Variants in GDE1 observed in about 807,000 individuals in gnomAD.
The protein encoded by GDE1 is RGS16-interacting membrane protein.
A neutral mutation model predicts 32.2 loss-of-function variants in GDE1; 24 were observed. The ratio of observed to expected loss-of-function variants is 0.75; its 90% CI spans 0.54 to 1.05. The LOEUF (loss-of-function observed/expected upper bound fraction) is 1.05. Ranked by LOEUF, GDE1 falls within the 50% of genes least tolerant of loss-of-function variation. The pLI is 0.00. For missense variants in GDE1, 380 were observed against 415.0 expected, an observed-to-expected ratio of 0.92 and a Z score of 0.73; for synonymous variants, 159 against 158.6, an observed-to-expected ratio of 1.00 and a Z score of -0.02.
At chr16:19,510,498 T>C (rs1357050776) in intron 3 of GDE1, among the ~76,000 whole-genome samples, 1 of 152,200 alleles carries the variant, frequency 6.6e-6, no homozygotes, top group Non-Finnish European at 1.5e-5. Context: ...AATTCCTTTT[T>C]TTCAAGTAAC....
intron 4 of GDE1, among the ~76,000 whole-genome samples, chr16:19,506,095 C>T (rs73542158): frequency 0.023 from 3,528 of 152,176 alleles, 155 homozygotes; most frequent in African/African-American, 0.08. Flanking sequence ...GACGGAAAAA[C>T]ACCCTCATCT....
chr16:19,513,955 C>T (rs1039920763), intron 2 of GDE1, among the ~76,000 whole-genome samples: 8 of 152,108 alleles, frequency 5.3e-5, no homozygotes, highest in African/African-American at 1.9e-4. Context: ...ATCCTGGTGA[C>T]AAGTGAGCAT....
chr16:19,522,038 G>A lies in GDE1; in HGVS notation c.-74C>T. The A allele has an allele frequency of 6.9e-7, 1 of 1,453,396 alleles. No homozygotes were observed. Among genetic ancestry groups the A allele is most frequent in the Non-Finnish European group, 9.1e-7 (1 of 1,093,810 alleles). The allele number at this position is 1,453,396 out of a possible 1,614,324, so 90.0% of individuals were successfully genotyped here. On this transcript the variant is annotated 5_prime_UTR_variant, in exon 1 of 6. Transcript: ENST00000353258. The stretch of plus-strand genomic sequence containing the variant: ...CTGGGGCAGTAGAACGAGAAGCGAG[G>A]GGGAGGGTCCAAGGCACCGGCAGCA...
At chr16:19,512,927 T>TTA (rs3222404) in intron 2 of GDE1, among the ~76,000 whole-genome samples, 2 of 137,104 alleles carry the variant, frequency 1.5e-5, no homozygotes, top group Admixed American at 7.3e-5. Context: ...TGTATCTGTT[T>TTA]TGTGTGTGTG....
Position 19,505,073 on chromosome 16 carries a change from T to C in GDE1, c.656A>G (p.Asp219Gly), listed in dbSNP as rs1229129306. The change falls in exon 5 of 6, where the codon GAT (aspartate) becomes GGT (glycine). Residue 219 changes from aspartate to glycine, a missense_variant. Transcript: ENST00000353258. ...TCTGTGAGTTAATGCTGTTATTACATCCCGATCTGTTTGTCTCATCTGCAA... is the reference window on the plus strand; with the variant it reads ...TCTGTGAGTTAATGCTGTTATTACACCCCGATCTGTTTGTCTCATCTGCAA... ...VIYKMRQTDR[D>G]VITALTHRPW... is the part of the protein sequence containing the mutation. 1.2e-6 allele frequency: 2 copies of C among 1,610,606 alleles called. No homozygotes were observed. Among genetic ancestry groups the C allele is most frequent in the African/African-American group, 2.7e-5 (2 of 74,892 alleles).
At chr16:19,516,775 A>G (rs911679303) in intron 2 of GDE1, among the ~76,000 whole-genome samples, 2 of 152,366 alleles carry the variant, frequency 1.3e-5, no homozygotes, top group Non-Finnish European at 1.5e-5. Flanking sequence ...TGATTCTATG[A>G]CTAGACAGTA....
chr16:19,512,631 T>C (rs1969331895), intron 2 of GDE1, among the ~76,000 whole-genome samples: 1 of 152,192 alleles, frequency 6.6e-6, no homozygotes, highest in African/African-American at 2.4e-5. Context: ...AATCTTTGCC[T>C]AGATCAATGT....
chr16:19,511,034 A>C, intron 2 of GDE1, 90 bp from the exon 3 acceptor site: 1 of 631,836 alleles, frequency 1.6e-6, no homozygotes, highest in Non-Finnish European at 2.8e-6. Context: ...TCTCAATCAA[A>C]AGGAAAGAGT....
intron 2 of GDE1, among the ~76,000 whole-genome samples, chr16:19,513,372 T>C (rs1001069310): frequency 2.0e-5 from 3 of 152,154 alleles, no homozygotes; most frequent in African/African-American, 7.2e-5. Context: ...TTGGTAGCTA[T>C]GTAAATGGGA....
chr16:19,511,530 A>G (rs1399369434), intron 2 of GDE1, among the ~76,000 whole-genome samples: 2 of 152,202 alleles, frequency 1.3e-5, no homozygotes, highest in Non-Finnish European at 2.9e-5. Flanking sequence ...TAGGATGTCC[A>G]TCACCCCAAA....
At chr16:19,516,625 G>T (rs541983807) in intron 2 of GDE1, among the ~76,000 whole-genome samples, 1 of 152,258 alleles carries the variant, frequency 6.6e-6, no homozygotes, top group African/African-American at 2.4e-5. Flanking sequence ...TCAGAAGTTT[G>T]TTATGAGGAT....
In GDE1 at chr16:19,504,909, A is replaced by G. The variant is rs1333388933; in HGVS notation, c.820T>C (p.Phe274Leu). ...ILWYLCGISA[F>L]LMQKDFVSPA... ...GATACAAAATCCTTTTGCATGAGGA[A>G]AGCTGAAATTCCACACAGGTACCAC... The change falls in exon 5 of 6, where the codon TTC becomes CTC. Residue 274 changes from phenylalanine to leucine, a missense_variant. Transcript: ENST00000353258. The G allele has an allele frequency of 6.2e-7, 1 of 1,612,602 alleles. No homozygotes were observed. Among genetic ancestry groups the G allele is most frequent in the South Asian group, 1.1e-5 (1 of 90,868 alleles).
rs756612176 is a variant in GDE1, at chr16:19,521,851, G to A, written c.114C>T (p.Leu38=). Residue 38 remains leucine, a synonymous_variant, in exon 1 of 6, where the codon CTC becomes CTT. Coordinates refer to ENST00000353258, the MANE Select transcript of GDE1 (RefSeq NM_016641.4). ...PVNACLLTGS[L]FVLLRVFSFE... ...AGCTGAAGACGCGCAGTAGAACGAAGAGGCTGCCGGTGAGGAGGCAGGCAT... is the reference window on the plus strand; with the variant it reads ...AGCTGAAGACGCGCAGTAGAACGAAAAGGCTGCCGGTGAGGAGGCAGGCAT... The A allele has an allele frequency of 6.2e-7, 1 of 1,608,602 alleles. No individual in the cohort carries two copies.
chr16:19,505,197 G>T, intron 4 of GDE1, 105 bp from the exon 5 acceptor site: 1 of 769,418 alleles, frequency 1.3e-6, no homozygotes, highest in Non-Finnish European at 2.3e-6. Flanking sequence ...GGTCATGGTT[G>T]GTACCCTGCC....
At chr16:19,503,836 T>C in intron 5 of GDE1, 1 of 447,908 alleles carries the variant, frequency 2.2e-6, no homozygotes, top group Non-Finnish European at 4.0e-6. Context: ...AGCTCACTAA[T>C]GATCGCCACC....
Position 19,503,301 on chromosome 16 carries a change from G to T in GDE1, c.*169C>A. ...GAACTCTGGCATGCCATGGTGCATG[G>T]TGGCAACACCGGGTTTAGCTTTGGT... is the stretch of plus-strand genomic sequence containing the variant. On this transcript the variant is annotated 3_prime_UTR_variant, in exon 6 of 6. Transcript: ENST00000353258. 1 of 629,492 alleles carries T rather than the reference G, an allele frequency of 1.6e-6. No individual in the cohort carries two copies. Among genetic ancestry groups the T allele is most frequent in the Non-Finnish European group, 2.8e-6 (1 of 363,488 alleles). 39.0% of individuals were successfully genotyped at this position (629,492 alleles called of 1,614,324 possible).
chr16:19,517,573 G>A (rs529156859), intron 1 of GDE1, among the ~76,000 whole-genome samples: 2 of 152,098 alleles, frequency 1.3e-5, no homozygotes, highest in East Asian at 1.9e-4. Flanking sequence ...ATCACCCTAC[G>A]GTTGTTGATT....
At chr16:19,507,131 C>A (rs1391501162) in intron 4 of GDE1, among the ~76,000 whole-genome samples, 2 of 146,956 alleles carry the variant, frequency 1.4e-5, no homozygotes, top group African/African-American at 2.5e-5. Flanking sequence ...TGAGGGAGAA[C>A]CCGTCTTTTA....
intron 1 of GDE1, among the ~76,000 whole-genome samples, chr16:19,520,767 GAAAAAT>G (rs1969443473): frequency 6.7e-6 from 1 of 149,748 alleles, no homozygotes; most frequent in South Asian, 2.1e-4. Flanking sequence ...AGAAGAGAGA[GAAAAAT>G]AAAAAAGAAG....
Sources: allele counts gnomAD v4.1 joint callset (sites outside exome capture counted in the v4.1 genomes callset), GRCh38; gene constraint gnomAD v4.1.1; transcripts MANE v1.5; gene names NCBI Gene and HGNC (gene_info 2026-07-23, HGNC 2026-07-21).